CDH8: variants seen among roughly 807,000 people sequenced by gnomAD.
CDH8 encodes the protein cadherin 8, also known as cadherin-8.
Under a neutral mutation model 68.1 loss-of-function variants are expected in CDH8, and 17 were observed. The ratio of observed to expected loss-of-function variants is 0.25; its 90% CI spans 0.17 to 0.37. The LOEUF (loss-of-function observed/expected upper bound fraction) is 0.37. CDH8 is among the 10% of genes least tolerant of loss of function. The pLI, the probability that CDH8 is intolerant of heterozygous loss-of-function variation, is 1.00. For synonymous variants in CDH8, 372 were observed against 365.1 expected (o/e 1.02, Z -0.21); for missense variants, 763 against 999.3 (o/e 0.76, Z 3.19).
At position 61,655,727 on chromosome 16, in the gene CDH8, A is replaced by G; in HGVS notation, c.1655-6T>C. On this transcript the variant is annotated splice_polypyrimidine_tract_variant and splice_region_variant and intron_variant, in intron 10 of 11. Transcript: ENST00000577390. ...CAAAATACTGAGGGAATTATCTGAA[A>G]AAAGTAAAAATTACAATAATTTGCA... is the stretch of plus-strand genomic sequence containing the variant. 1 of 1,612,252 alleles carries G rather than the reference A, an allele frequency of 6.2e-7. No individual in the cohort carries two copies. Among genetic ancestry groups the G allele is most frequent in the Non-Finnish European group, 8.5e-7 (1 of 1,178,582 alleles).
rs553674370 is a variant in CDH8 at position 61,992,534 on chromosome 16, A to G, written c.252+28618T>C. On this transcript the variant is annotated intron_variant, in intron 2 of 11. Transcript: ENST00000577390. ...TGCAGCACACCAGCATGGCACATGT[A>G]TACATATGTAACTAACCTGCACATT... Among the ~76,000 whole-genome samples, 4 of 151,806 alleles carry G rather than the reference A, an allele frequency of 2.6e-5. No homozygotes were observed. The South Asian group carries it at 6.3e-4, about 24-fold the overall frequency.
intron 4 of CDH8, among the ~76,000 whole-genome samples, chr16:61,843,453 G>T (rs2143009055): frequency 6.6e-6 from 1 of 152,186 alleles, no homozygotes; most frequent in African/African-American, 2.4e-5. Flanking sequence ...ATAAAGAAAT[G>T]GGATCTCAGG....
intron 7 of CDH8, among the ~76,000 whole-genome samples, chr16:61,790,073 T>A (rs1961343964): frequency 6.6e-6 from 1 of 152,096 alleles, no homozygotes; most frequent in Non-Finnish European, 1.5e-5. Flanking sequence ...TGGTTGTTTT[T>A]AAAAAGTTTT....
intron 2 of CDH8, among the ~76,000 whole-genome samples, chr16:61,962,325 G>C (rs1445074355): frequency 6.6e-6 from 1 of 152,200 alleles, no homozygotes; most frequent in Non-Finnish European, 1.5e-5. Context: ...ACCCTCAGAT[G>C]AGGTACAGCA....
chr16:61,747,069 G>C (rs1596927078), intron 8 of CDH8, among the ~76,000 whole-genome samples: 1 of 151,988 alleles, frequency 6.6e-6, no homozygotes, highest in African/African-American at 2.4e-5. Context: ...AAATGCCTTG[G>C]ATATATGCGA....
chr16:61,822,205 C>CTTTTT lies in CDH8; in HGVS notation c.836-1097_836-1093dup, dbSNP rs71707137. The stretch of plus-strand genomic sequence containing the variant: ...TGTAGTAACTGGCTCAAAAACGCAC[C>CTTTTT]TTTTTTTTTTTTTTTTTTTTTTTTT... On this transcript the variant is annotated intron_variant, in intron 5 of 11. Coordinates refer to ENST00000577390, the MANE Select transcript of CDH8 (RefSeq NM_001796.5). Among the ~76,000 whole-genome samples the CTTTTT allele has an allele frequency of 1.5e-3, 68 of 45,622 alleles. 9 individuals are homozygous for CTTTTT. Among genetic ancestry groups the CTTTTT allele is most frequent in the East Asian group, 7.3e-3 (9 of 1,232 alleles). 29.9% of individuals were successfully genotyped at this position (45,622 alleles called of 152,430 possible).
intron 2 of CDH8, among the ~76,000 whole-genome samples, chr16:61,993,904 A>G (rs1006103404): frequency 1.3e-4 from 20 of 152,190 alleles, no homozygotes; most frequent in Non-Finnish European, 2.4e-4. Context: ...TCATAGCTGC[A>G]TAGTATTTTA....
intron 2 of CDH8, among the ~76,000 whole-genome samples, chr16:61,983,587 C>T (rs190126423): frequency 3.3e-4 from 51 of 152,260 alleles, no homozygotes; most frequent in East Asian, 1.7e-3. Context: ...TCACTTTATA[C>T]GGCATCATCA....
intron 8 of CDH8, among the ~76,000 whole-genome samples, chr16:61,768,101 TTA>T: frequency 6.6e-6 from 1 of 151,564 alleles, no homozygotes; most frequent in Non-Finnish European, 1.5e-5. Flanking sequence ...ATTATGGTTG[TTA>T]TTATTGTTAT....
At chr16:61,803,382 T>A (rs1961707452) in intron 7 of CDH8, among the ~76,000 whole-genome samples, 1 of 130,670 alleles carries the variant, frequency 7.7e-6, no homozygotes, top group East Asian at 2.1e-4. Context: ...GTAAAGACCA[T>A]CGAGACTAGG....
At chr16:61,905,576 G>A (rs1405201306) in intron 2 of CDH8, among the ~76,000 whole-genome samples, 1 of 152,116 alleles carries the variant, frequency 6.6e-6, no homozygotes, top group Non-Finnish European at 1.5e-5. Flanking sequence ...CTGAGATTGA[G>A]AGATTTTCAC....
intron 2 of CDH8, among the ~76,000 whole-genome samples, chr16:62,005,553 T>C (rs924488407): frequency 6.6e-6 from 1 of 151,718 alleles, no homozygotes; most frequent in East Asian, 2.0e-4. Context: ...CTGGCCAACA[T>C]GGTGAAACTC....
Position 61,703,004 on chromosome 16 carries a change from T to C in CDH8, c.1654+10837A>G, listed in dbSNP as rs1032205997. Among the ~76,000 whole-genome samples, 27 of 152,328 alleles carry C rather than the reference T, an allele frequency of 1.8e-4. No individual in the cohort carries two copies. In the South Asian group the frequency reaches 5.4e-3, roughly 30 times the overall value. On this transcript the variant is annotated intron_variant, in intron 10 of 11. Coordinates refer to ENST00000577390, the MANE Select transcript of CDH8 (RefSeq NM_001796.5). The stretch of plus-strand genomic sequence containing the variant: ...CTAATAAATTTTAGACATTGATTTT[T>C]CTTGCAATTTGATATATAATCAATA...
At chr16:61,864,931 G>C (rs1646258549) in intron 3 of CDH8, among the ~76,000 whole-genome samples, 1 of 152,146 alleles carries the variant, frequency 6.6e-6, no homozygotes, top group South Asian at 2.1e-4. Flanking sequence ...TTGAATAAGA[G>C]GCAGAGGCAG....
intron 7 of CDH8, among the ~76,000 whole-genome samples, chr16:61,795,900 T>C (rs1370396223): frequency 6.6e-6 from 1 of 152,092 alleles, no homozygotes; most frequent in Non-Finnish European, 1.5e-5. Flanking sequence ...GAGCCTTTTA[T>C]ACCTGGCCCT....
intron 2 of CDH8, among the ~76,000 whole-genome samples, chr16:62,009,578 C>T (rs1901757342): frequency 6.6e-6 from 1 of 152,156 alleles, no homozygotes; most frequent in Non-Finnish European, 1.5e-5. Flanking sequence ...TTTCATTCCA[C>T]TCTTCTTTTT....
intron 2 of CDH8, among the ~76,000 whole-genome samples, chr16:62,015,593 T>C (rs1013173334): frequency 2.6e-5 from 4 of 152,194 alleles, no homozygotes; most frequent in Non-Finnish European, 4.4e-5. Flanking sequence ...CTTTCTAACT[T>C]GACACAAGAG....
chr16:62,032,924 G>A (rs1227343610), intron 1 of CDH8, among the ~76,000 whole-genome samples: 3 of 152,120 alleles, frequency 2.0e-5, no homozygotes, highest in Non-Finnish European at 2.9e-5. Context: ...GTTGAAGTGT[G>A]GGTTTGAACT....
At chr16:61,720,196 T>C (rs1487283546) in intron 9 of CDH8, among the ~76,000 whole-genome samples, 1 of 151,000 alleles carries the variant, frequency 6.6e-6, no homozygotes. Flanking sequence ...CATGTTACCA[T>C]TAGCTTCTCT....
Sources: allele counts gnomAD v4.1 joint callset (sites outside exome capture counted in the v4.1 genomes callset), GRCh38; gene constraint gnomAD v4.1.1; transcripts MANE v1.5; gene names NCBI Gene and HGNC (gene_info 2026-07-23, HGNC 2026-07-21).